The following SPMIP2 variants were observed in gnomAD, a reference collection of about 807,000 sequenced individuals.
SPMIP2 encodes the protein sperm microtubule inner protein 2, also known as protein SPMIP2.
the SPMIP2 span, among the ~76,000 whole-genome samples, chr4:159,012,580 ATTTT>A: frequency 6.7e-6 from 1 of 149,308 alleles, no homozygotes; most frequent in Non-Finnish European, 1.5e-5. Context: ...TGTTGAAATA[ATTTT>A]TTTTTTTTAG....
the SPMIP2 span, among the ~76,000 whole-genome samples, chr4:159,076,583 G>GGGTA: frequency 1.2e-4 from 19 of 152,094 alleles, no homozygotes; most frequent in African/African-American, 4.3e-4. Flanking sequence ...GGAAAAGTAG[G>GGGTA]GGTAAAGTCC....
At chr4:159,072,554 C>T in the SPMIP2 span, among the ~76,000 whole-genome samples, 1 of 147,246 alleles carries the variant, frequency 6.8e-6, no homozygotes, top group Non-Finnish European at 1.5e-5. Flanking sequence ...GTCTTAACCT[C>T]CTGGACTAAG....
chr4:159,080,306 T>A, the SPMIP2 span, among the ~76,000 whole-genome samples: 8 of 152,184 alleles, frequency 5.3e-5, no homozygotes, highest in East Asian at 1.5e-3. Flanking sequence ...CACCTCGAAC[T>A]CCTGGGTTCA....
chr4:159,048,054 T>A, the SPMIP2 span, among the ~76,000 whole-genome samples: 5 of 152,244 alleles, frequency 3.3e-5, no homozygotes, highest in African/African-American at 4.8e-5. Context: ...GAGATGATTG[T>A]TCATGCTTTT....
At chr4:158,946,234 ATC>A in the SPMIP2 span, among the ~76,000 whole-genome samples, 1 of 152,244 alleles carries the variant, frequency 6.6e-6, no homozygotes, top group Non-Finnish European at 1.5e-5. Context: ...CTTCTTAAAA[ATC>A]ACAGTACAGT....
the SPMIP2 span, among the ~76,000 whole-genome samples, chr4:158,894,406 A>G: frequency 5.3e-5 from 8 of 152,160 alleles, no homozygotes; most frequent in African/African-American, 1.4e-4. Context: ...TCCTGGGCTC[A>G]AGTGATCCTC....
chr4:158,897,689 G>GT, the SPMIP2 span, among the ~76,000 whole-genome samples: 1 of 151,980 alleles, frequency 6.6e-6, no homozygotes, highest in South Asian at 2.1e-4. Flanking sequence ...TGATGGGGTT[G>GT]TTTTTTTCTT....
At chr4:158,978,851 T>A in the SPMIP2 span, among the ~76,000 whole-genome samples, 1 of 152,142 alleles carries the variant, frequency 6.6e-6, no homozygotes, top group African/African-American at 2.4e-5. Context: ...AGCACACCGA[T>A]GAGTCTTGAC....
chr4:159,025,965 T>C, the SPMIP2 span, among the ~76,000 whole-genome samples: 1 of 152,196 alleles, frequency 6.6e-6, no homozygotes, highest in African/African-American at 2.4e-5. Flanking sequence ...AATCAACTCA[T>C]CTTGCATTTA....
the SPMIP2 span, among the ~76,000 whole-genome samples, chr4:158,990,355 G>C: frequency 6.6e-5 from 10 of 152,288 alleles, no homozygotes; most frequent in South Asian, 1.7e-3. Context: ...AATATCATTT[G>C]ACTCAGCAAT....
chr4:158,927,709 C>A, the SPMIP2 span, among the ~76,000 whole-genome samples: 1 of 152,230 alleles, frequency 6.6e-6, no homozygotes, highest in East Asian at 1.9e-4. Context: ...GAGGGAGAGG[C>A]GCCAGTGGGA....
At chr4:158,919,228 C>T in the SPMIP2 span, among the ~76,000 whole-genome samples, 4 of 152,164 alleles carry the variant, frequency 2.6e-5, no homozygotes, top group African/African-American at 4.8e-5. Context: ...GGAAAATTAA[C>T]GTTTTTATAT....
At chr4:158,901,601 TCTCC>T in the SPMIP2 span, among the ~76,000 whole-genome samples, 2 of 152,300 alleles carry the variant, frequency 1.3e-5, no homozygotes, top group South Asian at 4.1e-4. Flanking sequence ...TTGGTTCCAT[TCTCC>T]CTGTCACTTT....
the SPMIP2 span, among the ~76,000 whole-genome samples, chr4:159,008,169 C>T: frequency 9.9e-5 from 15 of 152,212 alleles, no homozygotes; most frequent in African/African-American, 3.4e-4. Context: ...ACATGCCAGC[C>T]TCTTTCATAT....
the SPMIP2 span, among the ~76,000 whole-genome samples, chr4:158,930,912 T>C: frequency 7.3e-6 from 1 of 136,190 alleles, no homozygotes; most frequent in Non-Finnish European, 1.6e-5. Context: ...TTTGAGCTTA[T>C]CTTACTCAGA....
chr4:158,954,229 TG>T, the SPMIP2 span, among the ~76,000 whole-genome samples: 1 of 152,188 alleles, frequency 6.6e-6, no homozygotes, highest in Non-Finnish European at 1.5e-5. Context: ...ATTTGAATCA[TG>T]GGGGCAGTTT....
the SPMIP2 span, among the ~76,000 whole-genome samples, chr4:159,015,705 G>A: frequency 1.3e-5 from 2 of 151,952 alleles, no homozygotes; most frequent in East Asian, 1.9e-4. Context: ...ATCACTTCTC[G>A]GCCTTTTGGC....
the SPMIP2 span, among the ~76,000 whole-genome samples, chr4:159,031,454 A>G: frequency 2.3e-3 from 344 of 152,356 alleles, 1 homozygote; most frequent in Middle Eastern, 0.027. Flanking sequence ...ATGGCAGGGA[A>G]AAAAGAAGGG....
chr4:159,066,589 T>TTA, the SPMIP2 span, among the ~76,000 whole-genome samples: 18,431 of 75,306 alleles, frequency 0.24, 1,226 homozygotes, highest in East Asian at 0.3. Context: ...TGTGTGTATT[T>TTA]TATATATATA....
Sources: allele counts gnomAD v4.1 joint callset (sites outside exome capture counted in the v4.1 genomes callset), GRCh38; gene constraint gnomAD v4.1.1; transcripts MANE v1.5; gene names NCBI Gene and HGNC (gene_info 2026-07-23, HGNC 2026-07-21).